Variants in ADGRL3 observed in about 807,000 individuals in gnomAD.
ADGRL3 encodes adhesion G protein-coupled receptor L3.
In ADGRL3, 62 loss-of-function variants were observed where a neutral mutation model predicts 153.5. That is an observed-to-expected ratio of 0.40 (90% CI 0.33 to 0.50). The LOEUF is 0.50. Ranked by LOEUF, ADGRL3 falls within the 20% of genes least tolerant of loss-of-function variation. The pLI, the probability that ADGRL3 is intolerant of heterozygous loss-of-function variation, is 0.47. For synonymous variants in ADGRL3, 710 were observed against 672.5 expected (o/e 1.06, Z -0.86); for missense variants, 1,641 against 1,859.4 (o/e 0.88, Z 2.16).
At chr4:61,733,581 T>C (rs577387891) in intron 8 of ADGRL3, 27 bp downstream of exon 8, 7 of 1,463,842 alleles carry the variant, frequency 4.8e-6, no homozygotes, top group South Asian at 2.4e-5. Context: ...GTGGTACTCT[T>C]TGGGGAAATA....
In ADGRL3 at chr4:61,228,756, C is replaced by T. The variant is rs553170516; in HGVS notation, c.-240+26991C>T. ...CAGTAGTTAATAAGTGCAATGGCAC[C>T]GTCTGGGCTCACTGCAAACTCTACC... On this transcript the variant is annotated intron_variant, in intron 1 of 26. Coordinates refer to ENST00000683033, the MANE Select transcript of ADGRL3 (RefSeq NM_001387552.1). Among the ~76,000 whole-genome samples the T allele has an allele frequency of 1.1e-3, 175 of 152,230 alleles. 1 individual carries two copies. Among genetic ancestry groups the T allele is most frequent in the African/African-American group, 4.1e-3 (171 of 41,550 alleles).
intron 1 of ADGRL3, among the ~76,000 whole-genome samples, chr4:61,325,967 G>A (rs114406879): frequency 0.011 from 1,684 of 152,230 alleles, 31 homozygotes; most frequent in African/African-American, 0.039. Context: ...TATGGCAACA[G>A]AGAAACTGGA....
intron 1 of ADGRL3, among the ~76,000 whole-genome samples, chr4:61,273,266 T>G (rs2149822288): frequency 6.6e-6 from 1 of 152,308 alleles, no homozygotes; most frequent in African/African-American, 2.4e-5. Flanking sequence ...GTCATCACGC[T>G]GGAGCTCTGT....
chr4:61,378,822 C>T lies in ADGRL3; in HGVS notation c.-239-4302C>T, dbSNP rs528919944. On this transcript the variant is annotated intron_variant, in intron 1 of 26. Transcript: ENST00000683033. ...CTTAGGTTGTTCTGGGAACCATTTGCGAGGCAGATTTGAGAGGGGCTTGAA... is the reference window on the plus strand; with the variant it reads ...CTTAGGTTGTTCTGGGAACCATTTGTGAGGCAGATTTGAGAGGGGCTTGAA... Among the ~76,000 whole-genome samples, 70 of 151,950 alleles carry T rather than the reference C, an allele frequency of 4.6e-4. No homozygotes were observed. In the South Asian group the frequency reaches 0.012, roughly 25 times the overall value.
intron 17 of ADGRL3, among the ~76,000 whole-genome samples, chr4:61,974,852 T>G (rs1437665666): frequency 6.6e-6 from 1 of 152,190 alleles, no homozygotes; most frequent in African/African-American, 2.4e-5. Context: ...TAGCTCTAAT[T>G]TTCTTTATCT....
intron 6 of ADGRL3, among the ~76,000 whole-genome samples, chr4:61,705,523 A>G (rs2095842856): frequency 6.7e-6 from 1 of 149,878 alleles, no homozygotes; most frequent in Non-Finnish European, 1.5e-5. Flanking sequence ...TTTGAGACAG[A>G]GTCTTGCTCT....
At chr4:61,929,459 G>GTTAA (rs2098808237) in intron 13 of ADGRL3, among the ~76,000 whole-genome samples, 1 of 152,196 alleles carries the variant, frequency 6.6e-6, no homozygotes, top group South Asian at 2.1e-4. Flanking sequence ...GTATTGGCTA[G>GTTAA]TTAATAAGTT....
chr4:61,784,396 T>G (rs2097253137), intron 8 of ADGRL3, among the ~76,000 whole-genome samples: 1 of 151,362 alleles, frequency 6.6e-6, no homozygotes, highest in South Asian at 2.1e-4. Flanking sequence ...CAAAAACCCC[T>G]TAATTCATTT....
At chr4:61,984,706 A>G (rs1382795372) in intron 19 of ADGRL3, among the ~76,000 whole-genome samples, 1 of 152,130 alleles carries the variant, frequency 6.6e-6, no homozygotes, top group Admixed American at 6.5e-5. Context: ...AGGCCCCCAG[A>G]GGTCGCTATG....
Position 61,687,747 on chromosome 4 carries a change from C to T in ADGRL3, c.583+10812C>T, listed in dbSNP as rs531419173. ...AAATAAAGAGTTGTTTATGAATATACATGTTAGATTAATGGGATGAATAAA... is the reference window on the plus strand; with the variant it reads ...AAATAAAGAGTTGTTTATGAATATATATGTTAGATTAATGGGATGAATAAA... On this transcript the variant is annotated intron_variant, in intron 6 of 26. Transcript: ENST00000683033. Among the ~76,000 whole-genome samples, 15 of 151,986 alleles carry T rather than the reference C, an allele frequency of 9.9e-5. No individual in the cohort carries two copies. In the South Asian group the frequency reaches 3.1e-3, roughly 32 times the overall value.
chr4:61,445,320 T>A (rs2097570281), intron 2 of ADGRL3, among the ~76,000 whole-genome samples: 1 of 152,206 alleles, frequency 6.6e-6, no homozygotes, highest in Non-Finnish European at 1.5e-5. Flanking sequence ...CTCTGCTATA[T>A]CAACCTGAGG....
At chr4:61,459,425 A>AT (rs1320502740) in intron 2 of ADGRL3, among the ~76,000 whole-genome samples, 1 of 152,002 alleles carries the variant, frequency 6.6e-6, no homozygotes, top group African/African-American at 2.4e-5. Flanking sequence ...TGCATTTACT[A>AT]TATCTACCAC....
chr4:61,361,735 AAG>A (rs1434581516), intron 1 of ADGRL3, among the ~76,000 whole-genome samples: 18 of 152,172 alleles, frequency 1.2e-4, no homozygotes, highest in Non-Finnish European at 2.4e-4. Flanking sequence ...TAAGACTTGA[AAG>A]AAAGAGAATA....
intron 1 of ADGRL3, among the ~76,000 whole-genome samples, chr4:61,369,448 G>A (rs1241034512): frequency 6.6e-6 from 1 of 152,114 alleles, no homozygotes; most frequent in African/African-American, 2.4e-5. Context: ...AAGGGTTGTT[G>A]AATTTTGTCA....
At chr4:61,572,468 G>A (rs189923030) in intron 4 of ADGRL3, among the ~76,000 whole-genome samples, 5 of 152,050 alleles carry the variant, frequency 3.3e-5, no homozygotes, top group African/African-American at 9.6e-5. Flanking sequence ...AAAATTCTTC[G>A]TGTACCCAGA....
At chr4:61,505,212 C>A (rs2098419629) in intron 3 of ADGRL3, among the ~76,000 whole-genome samples, 1 of 152,168 alleles carries the variant, frequency 6.6e-6, no homozygotes, top group Non-Finnish European at 1.5e-5. Flanking sequence ...TGATGTTGAG[C>A]ATTTTTCATT....
At chr4:61,772,899 T>A (rs2152316023) in intron 8 of ADGRL3, among the ~76,000 whole-genome samples, 1 of 152,286 alleles carries the variant, frequency 6.6e-6, no homozygotes, top group South Asian at 2.1e-4. Flanking sequence ...TTTTCCTACC[T>A]TGTATTACCA....
chr4:61,526,769 A>G (rs942860651), intron 4 of ADGRL3, among the ~76,000 whole-genome samples: 1 of 152,076 alleles, frequency 6.6e-6, no homozygotes, highest in Non-Finnish European at 1.5e-5. Flanking sequence ...ACCTCAAAAA[A>G]TAAATAAATA....
chr4:61,895,485 AAT>A lies in ADGRL3; in HGVS notation c.1784-244_1784-243del, dbSNP rs2098624393. 2.6e-5 allele frequency among the ~76,000 whole-genome samples: 4 copies of A among 151,116 alleles called. No individual in the cohort carries two copies. The South Asian group carries it at 8.3e-4, about 31-fold the overall frequency. On this transcript the variant is annotated intron_variant, in intron 10 of 26. Coordinates refer to ENST00000683033, the MANE Select transcript of ADGRL3 (RefSeq NM_001387552.1). Reference sequence around the variant, plus strand: ...CATCTCAAATAATAATAATAATAATAATAATAATAATAATAGTCCCCATACCT... The same window carrying A: ...CATCTCAAATAATAATAATAATAATAAATAATAATAATAGTCCCCATACCT...
Sources: allele counts gnomAD v4.1 joint callset (sites outside exome capture counted in the v4.1 genomes callset), GRCh38; gene constraint gnomAD v4.1.1; transcripts MANE v1.5; gene names NCBI Gene and HGNC (gene_info 2026-07-23, HGNC 2026-07-21).